LDB2: variants seen among roughly 807,000 people sequenced by gnomAD.
LDB2 encodes the protein LIM domain-binding protein 2.
LDB2 carries 12 observed loss-of-function variants against 44.3 expected under a neutral mutation model. The observed-to-expected ratio is 0.27, with a 90% CI of 0.17 to 0.44. The LOEUF (loss-of-function observed/expected upper bound fraction) is 0.44. Ranked by LOEUF, LDB2 falls within the 20% of genes least tolerant of loss-of-function variation. The pLI is 1.00. For missense variants in LDB2, 344 were observed against 473.5 expected, an observed-to-expected ratio of 0.73 and a Z score of 2.54; for synonymous variants, 164 against 174.8, an observed-to-expected ratio of 0.94 and a Z score of 0.49.
intron 1 of LDB2, among the ~76,000 whole-genome samples, chr4:16,869,776 C>A (rs908370405): frequency 3.3e-5 from 5 of 152,174 alleles, no homozygotes; most frequent in African/African-American, 7.2e-5. Context: ...CATACCAATA[C>A]GTAGATGTTC....
chr4:16,580,133 T>G (rs927722888), intron 5 of LDB2, among the ~76,000 whole-genome samples: 1 of 152,094 alleles, frequency 6.6e-6, no homozygotes, highest in African/African-American at 2.4e-5. Flanking sequence ...TGCAAAGGCA[T>G]GGAGGCAAGA....
chr4:16,606,997 G>A (rs145700300), intron 2 of LDB2, among the ~76,000 whole-genome samples: 78 of 152,276 alleles, frequency 5.1e-4, no homozygotes, highest in African/African-American at 1.5e-3. Flanking sequence ...TGGTGAGAGA[G>A]GTGATTTCCT....
rs1406932244 is a variant in LDB2 at position 16,788,021 on chromosome 4, A to G, written c.133-28761T>C. On this transcript the variant is annotated intron_variant, in intron 1 of 7. Transcript: ENST00000304523. ...ATAAATGAAACCAAGCTTGGGGTGCATGTGCCTGGCCACTCTCTTTCTTCC... is the reference window on the plus strand; with the variant it reads ...ATAAATGAAACCAAGCTTGGGGTGCGTGTGCCTGGCCACTCTCTTTCTTCC... Among the ~76,000 whole-genome samples, 5 of 152,138 alleles carry G rather than the reference A, an allele frequency of 3.3e-5. No homozygotes were observed. In the South Asian group the frequency reaches 1.0e-3, roughly 32 times the overall value.
intron 2 of LDB2, among the ~76,000 whole-genome samples, chr4:16,624,061 T>C (rs1729622803): frequency 6.6e-6 from 1 of 152,232 alleles, no homozygotes; most frequent in African/African-American, 2.4e-5. Flanking sequence ...CCATTATTGT[T>C]ATTACAAATT....
At chr4:16,813,873 TTTTC>T (rs1438850688) in intron 1 of LDB2, among the ~76,000 whole-genome samples, 6 of 150,524 alleles carry the variant, frequency 4.0e-5, no homozygotes, top group Non-Finnish European at 7.4e-5. Flanking sequence ...TTTTCTTTTC[TTTTC>T]TTTTTTTTTT....
At chr4:16,539,370 C>T (rs1462743475) in intron 5 of LDB2, among the ~76,000 whole-genome samples, 2 of 152,148 alleles carry the variant, frequency 1.3e-5, no homozygotes, top group Non-Finnish European at 2.9e-5. Flanking sequence ...GTTTGGAGTT[C>T]ATGGTACTTC....
chr4:16,817,569 A>G (rs1196967967), intron 1 of LDB2, among the ~76,000 whole-genome samples: 2 of 152,168 alleles, frequency 1.3e-5, no homozygotes, highest in Non-Finnish European at 2.9e-5. Flanking sequence ...GTAAAACCCA[A>G]TCCTCTGAGC....
chr4:16,517,934 A>G (rs1724467439), intron 5 of LDB2, among the ~76,000 whole-genome samples: 1 of 151,854 alleles, frequency 6.6e-6, no homozygotes, highest in African/African-American at 2.4e-5. Context: ...TGGATAATAG[A>G]TAGCTTGGCC....
intron 2 of LDB2, among the ~76,000 whole-genome samples, chr4:16,630,259 C>T (rs1261420177): frequency 6.6e-6 from 1 of 152,212 alleles, no homozygotes; most frequent in African/African-American, 2.4e-5. Context: ...CCCTACAAGC[C>T]AGAAGAGAGT....
chr4:16,861,645 G>A (rs1037576712), intron 1 of LDB2, among the ~76,000 whole-genome samples: 2 of 152,188 alleles, frequency 1.3e-5, no homozygotes, highest in African/African-American at 4.8e-5. Flanking sequence ...GCCAGTCCGT[G>A]CTTTCAAACT....
At chr4:16,747,219 T>C (rs1471222687) in intron 2 of LDB2, among the ~76,000 whole-genome samples, 2 of 152,162 alleles carry the variant, frequency 1.3e-5, no homozygotes, top group African/African-American at 4.8e-5. Context: ...AAGTGAAAAA[T>C]AGCTGCTGCA....
At chr4:16,751,966 TTTAAAA>T (rs1765576987) in intron 2 of LDB2, among the ~76,000 whole-genome samples, 1 of 152,200 alleles carries the variant, frequency 6.6e-6, no homozygotes, top group African/African-American at 2.4e-5. Flanking sequence ...AGACCTCATC[TTTAAAA>T]TAAAAATAAA....
chr4:16,528,438 A>T (rs1278412844), intron 5 of LDB2, among the ~76,000 whole-genome samples: 3 of 152,216 alleles, frequency 2.0e-5, no homozygotes, highest in Non-Finnish European at 4.4e-5. Context: ...TTTTGCACCA[A>T]CCTAATGGAT....
intron 2 of LDB2, among the ~76,000 whole-genome samples, chr4:16,642,096 G>A (rs76642360): frequency 0.02 from 2,971 of 152,230 alleles, 27 homozygotes; most frequent in East Asian, 0.042. Context: ...GAAGTGGAAA[G>A]GAGAGTTGCA....
At chr4:16,773,094 C>T (rs778305657) in intron 1 of LDB2, among the ~76,000 whole-genome samples, 2 of 152,126 alleles carry the variant, frequency 1.3e-5, no homozygotes, top group Non-Finnish European at 2.9e-5. Context: ...CATAACCAAA[C>T]GTAAGTTCTG....
At chr4:16,612,873 A>G (rs1726080049) in intron 2 of LDB2, among the ~76,000 whole-genome samples, 1 of 152,198 alleles carries the variant, frequency 6.6e-6, no homozygotes, top group Non-Finnish European at 1.5e-5. Flanking sequence ...TCATCCTGAT[A>G]CCCAAACCGG....
chr4:16,589,837 C>A (rs2152431362), intron 3 of LDB2, among the ~76,000 whole-genome samples: 1 of 152,198 alleles, frequency 6.6e-6, no homozygotes, highest in Non-Finnish European at 1.5e-5. Flanking sequence ...GGATTTGAAT[C>A]CCAATTCTAC....
chr4:16,752,154 A>G (rs1318354336), intron 2 of LDB2, among the ~76,000 whole-genome samples: 1 of 152,170 alleles, frequency 6.6e-6, no homozygotes, highest in Non-Finnish European at 1.5e-5. Flanking sequence ...ATGAAGGACT[A>G]CTCTGAGGAA....
chr4:16,540,250 T>C (rs1733311962), intron 5 of LDB2, among the ~76,000 whole-genome samples: 1 of 152,040 alleles, frequency 6.6e-6, no homozygotes, highest in East Asian at 1.9e-4. Context: ...TCAGTGGGCT[T>C]GGGAGTGGAC....
Sources: allele counts gnomAD v4.1 joint callset (sites outside exome capture counted in the v4.1 genomes callset), GRCh38; gene constraint gnomAD v4.1.1; transcripts MANE v1.5; gene names NCBI Gene and HGNC (gene_info 2026-07-23, HGNC 2026-07-21).